Variants in FLAD1 observed in about 807,000 individuals in gnomAD.
FLAD1 encodes the protein bifunctional FAD diphosphatase/FAD synthase.
Under a neutral mutation model 55.0 loss-of-function variants are expected in FLAD1, and 35 were observed. That is an observed-to-expected ratio of 0.64 (90% CI 0.49 to 0.84). FLAD1 has a LOEUF of 0.84. Among genes scored for constraint, FLAD1 ranks in the 40% least tolerant of loss-of-function variants. FLAD1 has a pLI of 0.00. For synonymous variants in FLAD1, 267 were observed against 303.0 expected, an observed-to-expected ratio of 0.88 and a Z score of 1.23; for missense variants, 665 against 742.6, an observed-to-expected ratio of 0.90 and a Z score of 1.21.
At chr1:154,985,372 G>A (rs1276782844) in intron 1 of FLAD1, among the ~76,000 whole-genome samples, 4 of 150,590 alleles carry the variant, frequency 2.7e-5, no homozygotes, top group African/African-American at 9.8e-5. Flanking sequence ...GGGATTACAG[G>A]CATGAGCCAC....
In FLAD1 at chr1:154,986,099, C is replaced by T. The variant is rs182165915; in HGVS notation, c.373-2006C>T. 8.6e-5 allele frequency among the ~76,000 whole-genome samples: 13 copies of T among 151,824 alleles called. No homozygotes were observed. The East Asian group carries it at 1.9e-3, about 23-fold the overall frequency. On this transcript the variant is annotated intron_variant, in intron 1 of 6. Transcript: ENST00000292180. ...GCTGCTCACGCTGGAGCGCAAATGG[C>T]GCAATCTCAGCTCACTGCAACCTCT...
chr1:154,991,632 A>G (rs1657874629), intron 5 of FLAD1, among the ~76,000 whole-genome samples: 1 of 152,140 alleles, frequency 6.6e-6, no homozygotes, highest in Non-Finnish European at 1.5e-5. Context: ...CAGTAGAGAT[A>G]CAGAACATTT....
At position 154,983,394 on chromosome 1, in the gene FLAD1, G is replaced by A. The variant is rs555747819; in HGVS notation, c.-301G>A. The stretch of plus-strand genomic sequence containing the variant: ...AAGAGCCGGTGAAGGGGCAGAACAG[G>A]CAGGTGAGAGTCTAAGAGGGCTCAG... On this transcript the variant is annotated 5_prime_UTR_variant, in exon 1 of 7. Transcript: ENST00000292180. The A allele has an allele frequency of 1.4e-5, 4 of 278,766 alleles. No individual in the cohort carries two copies. Among genetic ancestry groups the A allele is most frequent in the Non-Finnish European group, 2.0e-5 (3 of 148,104 alleles). 17.3% of individuals were successfully genotyped at this position (278,766 alleles called of 1,614,324 possible).
In FLAD1 at chr1:154,990,483, CA is replaced by C; in HGVS notation, c.1510del (p.Thr504LeufsTer56). ...CCTGTAGCCTCTGCCCTTTCAGCCC[CA>C]CTGACCCAGGCTGGCCCGCATTCAT... ...YSCSLCPFSP[T>X]DPGWPAFMRI... On this transcript the variant is annotated frameshift_variant, in exon 5 of 7. Transcript: ENST00000292180. LOFTEE classifies it high-confidence loss of function. 6.2e-7 allele frequency: 1 copy of C among 1,613,414 alleles called. No individual in the cohort carries two copies. Among genetic ancestry groups the C allele is most frequent in the Non-Finnish European group, 8.5e-7 (1 of 1,179,660 alleles).
At chr1:154,989,112 T>TA in intron 2 of FLAD1, 1 of 791,330 alleles carries the variant, frequency 1.3e-6, no homozygotes, top group African/African-American at 1.7e-5. Flanking sequence ...AGATGGACAT[T>TA]AAACAGGTGA....
In FLAD1 at chr1:154,989,079, T is replaced by C. The variant is rs145104542; in HGVS notation, c.1117+230T>C. 264 of 1,078,694 alleles carry C rather than the reference T, an allele frequency of 2.4e-4. No homozygotes were observed. In the East Asian group the frequency reaches 6.1e-3, roughly 25 times the overall value. 66.8% of individuals were successfully genotyped at this position (1,078,694 alleles called of 1,614,324 possible). A position where few individuals can be genotyped will look rare whatever the true frequency, so the allele number is the denominator to read the frequency against. On this transcript the variant is annotated intron_variant, in intron 2 of 6. Transcript: ENST00000292180. ...TAGGATAATGTATGCCCTGCTCTTATGGACCAGTGTTTTAACAAAAAAAGA... is the reference window on the plus strand; with the variant it reads ...TAGGATAATGTATGCCCTGCTCTTACGGACCAGTGTTTTAACAAAAAAAGA...
At chr1:154,986,308 C>G (rs937732871) in intron 1 of FLAD1, among the ~76,000 whole-genome samples, 1 of 152,094 alleles carries the variant, frequency 6.6e-6, no homozygotes, top group Non-Finnish European at 1.5e-5. Context: ...GCTCCGCCTC[C>G]CGGGTTCACG....
chr1:154,988,706 T>A lies in FLAD1; in HGVS notation c.974T>A (p.Leu325Gln). 1.2e-6 allele frequency: 2 copies of A among 1,614,242 alleles called. No homozygotes were observed. The highest frequency in any genetic ancestry group is 1.7e-6 in the Non-Finnish European group (2 of 1,180,048). The change falls in exon 2 of 7, where the codon CTG (leucine) becomes CAG (glutamine). Residue 325 changes from leucine (L) to glutamine (Q), a missense_variant. Leu to Gln is a moderately radical substitution (Grantham distance 113, BLOSUM62 -2). Transcript: ENST00000292180. The part of the protein sequence containing the change: ...DWGSNYYQVK[L>Q]TLDSEEEGPL... ...GGCAGCAACTACTATCAGGTGAAGC[T>A]GACTCTAGACTCAGAGGAAGAAGGA...
chr1:154,985,884 C>T (rs1017025266), intron 1 of FLAD1, among the ~76,000 whole-genome samples: 1 of 150,010 alleles, frequency 6.7e-6, no homozygotes. Context: ...GGCCACCACG[C>T]CCGGTTAATT....
intron 5 of FLAD1, 175 bp from the exon 6 acceptor site, chr1:154,992,538 T>A (rs763916368): frequency 6.3e-7 from 1 of 1,588,392 alleles, no homozygotes; most frequent in Admixed American, 1.7e-5. Flanking sequence ...GAAGATGAAG[T>A]CCTTCTCTTT....
At chr1:154,992,442 C>A in intron 5 of FLAD1, 1 of 780,448 alleles carries the variant, frequency 1.3e-6, no homozygotes, top group Non-Finnish European at 1.9e-6. Flanking sequence ...GACTCCGTCT[C>A]AAAAAAAAAA....
chr1:154,984,470 T>C (rs1426107169), intron 1 of FLAD1, among the ~76,000 whole-genome samples: 1 of 151,958 alleles, frequency 6.6e-6, no homozygotes, highest in Admixed American at 6.6e-5. Flanking sequence ...TCCCAGCACT[T>C]TGGGAGGCCG....
intron 1 of FLAD1, among the ~76,000 whole-genome samples, chr1:154,985,906 A>C (rs1447279083): frequency 7.1e-6 from 1 of 140,130 alleles, no homozygotes; most frequent in East Asian, 2.2e-4. Context: ...TTGTATTTTT[A>C]GTAGAGACGG....
chr1:154,989,166 G>A (rs1049868928), intron 2 of FLAD1, among the ~76,000 whole-genome samples: 1 of 152,200 alleles, frequency 6.6e-6, no homozygotes, highest in African/African-American at 2.4e-5. Context: ...ACAGCAGGGA[G>A]ATCAGCCTTG....
chr1:154,992,922 G>A lies in FLAD1; in HGVS notation c.1649G>A (p.Arg550Gln), dbSNP rs911638995. Residue 550 changes from arginine (R) to glutamine (Q), a missense_variant, in exon 7 of 7, where the codon CGG becomes CAG. By Grantham distance (43) the Arg-to-Gln change is conservative. Coordinates refer to ENST00000292180, the MANE Select transcript of FLAD1 (RefSeq NM_025207.5). ...TCCAGATACACATCACTGGGGAGTC[G>A]GGAGAATACCGTGCGGAACCCGGCC... Reference protein sequence around the residue: ...YDRGYTSLGSRENTVRNPALK... With the variant: ...YDRGYTSLGSQENTVRNPALK... 28 of 1,613,830 alleles carry A rather than the reference G, an allele frequency of 1.7e-5. No individual in the cohort carries two copies. The highest frequency in any genetic ancestry group is 2.2e-5 in the East Asian group (1 of 44,878).
chr1:154,987,810 C>T (rs187886080), intron 1 of FLAD1: 37 of 639,098 alleles, frequency 5.8e-5, no homozygotes, highest in East Asian at 3.0e-4. Context: ...TGGTGGCACG[C>T]GCCTGTAGTC....
Position 154,983,665 on chromosome 1 carries a change from A to G in FLAD1, c.-30A>G, listed in dbSNP as rs2102235453. The G allele has an allele frequency of 6.3e-7, 1 of 1,578,756 alleles. No individual in the cohort carries two copies. The highest frequency in any genetic ancestry group is 1.1e-5 in the South Asian group (1 of 87,290). The stretch of plus-strand genomic sequence containing the variant: ...TCTCAAGAGAGAAGAAGTTTTTAAG[A>G]CTAGAGCTAAGCAAGACATTTAAAA... On this transcript the variant is annotated 5_prime_UTR_variant, in exon 1 of 7. Coordinates refer to ENST00000292180, the MANE Select transcript of FLAD1 (RefSeq NM_025207.5).
chr1:154,986,584 A>G (rs1025705182), intron 1 of FLAD1, among the ~76,000 whole-genome samples: 2 of 151,660 alleles, frequency 1.3e-5, no homozygotes, highest in Admixed American at 6.6e-5. Flanking sequence ...TTCTGTGTGC[A>G]TTTGTTTTAT....
chr1:154,992,719 A>G lies in FLAD1; in HGVS notation c.1561A>G (p.Thr521Ala), dbSNP rs1251872047. 12 of 1,614,140 alleles carry G rather than the reference A, an allele frequency of 7.4e-6. No individual in the cohort carries two copies. In the South Asian group the frequency reaches 1.3e-4, roughly 18 times the overall value. Reference sequence around the variant, plus strand: ...TATTACTCTGACCTCCCAGGACTGGACCTACAGAGACATCTGGGATTTTCT... The same window carrying G: ...TATTACTCTGACCTCCCAGGACTGGGCCTACAGAGACATCTGGGATTTTCT... ...FMRINPLLDW[T>A]YRDIWDFLRQ... The change falls in exon 6 of 7, where the codon ACC becomes GCC. Residue 521 changes from threonine to alanine, a missense_variant. Transcript: ENST00000292180.
Sources: allele counts gnomAD v4.1 joint callset (sites outside exome capture counted in the v4.1 genomes callset), GRCh38; gene constraint gnomAD v4.1.1; transcripts MANE v1.5; gene names NCBI Gene and HGNC (gene_info 2026-07-23, HGNC 2026-07-21).